The following PAAF1 variants were observed in gnomAD, a reference collection of about 807,000 sequenced individuals.
The protein encoded by PAAF1 is proteasomal ATPase associated factor 1, also known as proteasomal ATPase-associated factor 1.
Under a neutral mutation model 52.8 loss-of-function variants are expected in PAAF1, and 46 were observed. The ratio of observed to expected loss-of-function variants is 0.87; its 90% CI spans 0.69 to 1.11. The LOEUF (loss-of-function observed/expected upper bound fraction) is 1.11. Ranked by LOEUF, PAAF1 falls within the 50% of genes most tolerant of loss-of-function variation. The pLI, the probability that PAAF1 is intolerant of heterozygous loss-of-function variation, is 0.00. For missense variants in PAAF1, 424 were observed against 477.4 expected, an observed-to-expected ratio of 0.89 and a Z score of 1.04; for synonymous variants, 178 against 172.8, an observed-to-expected ratio of 1.03 and a Z score of -0.24.
At chr11:73,902,653 A>AT (rs372199415) in intron 6 of PAAF1, among the ~76,000 whole-genome samples, 2 of 140,908 alleles carry the variant, frequency 1.4e-5, no homozygotes, top group Admixed American at 1.4e-4. Flanking sequence ...AAGAATATGT[A>AT]TGGACCTTTA....
At chr11:73,901,038 G>GA (rs951212508) in intron 6 of PAAF1, among the ~76,000 whole-genome samples, 41 of 125,186 alleles carry the variant, frequency 3.3e-4, no homozygotes, top group South Asian at 8.1e-4. Context: ...ATTGATAAAG[G>GA]AAAAAAAAAA....
chr11:73,925,214 T>C (rs1950321891), intron 11 of PAAF1, among the ~76,000 whole-genome samples: 1 of 150,670 alleles, frequency 6.6e-6, no homozygotes, highest in African/African-American at 2.4e-5. Context: ...CCCAGCACTT[T>C]TGGAGGCTGA....
intron 7 of PAAF1, among the ~76,000 whole-genome samples, chr11:73,913,410 T>C (rs1207640542): frequency 6.6e-6 from 1 of 152,150 alleles, no homozygotes; most frequent in Non-Finnish European, 1.5e-5. Context: ...GCCTGGGCAA[T>C]ATAGTGAGAT....
At chr11:73,912,477 C>G (rs1434364002) in intron 7 of PAAF1, among the ~76,000 whole-genome samples, 1 of 152,152 alleles carries the variant, frequency 6.6e-6, no homozygotes, top group Non-Finnish European at 1.5e-5. Context: ...TCTATCATCT[C>G]TAACTTCAAA....
At chr11:73,886,951 C>A in intron 2 of PAAF1, 1 of 406,350 alleles carries the variant, frequency 2.5e-6, no homozygotes, top group Non-Finnish European at 4.8e-6. Context: ...AAGATCCTGG[C>A]ATCTCCCTTC....
intron 1 of PAAF1, 130 bp downstream of exon 1, chr11:73,877,198 CAG>C: frequency 2.1e-6 from 2 of 974,116 alleles, no homozygotes; most frequent in Non-Finnish European, 2.8e-6. Context: ...ATGGAGGGAA[CAG>C]GGTCCGGAAA....
At chr11:73,905,145 A>C (rs1949722653) in intron 6 of PAAF1, among the ~76,000 whole-genome samples, 1 of 152,218 alleles carries the variant, frequency 6.6e-6, no homozygotes, top group Admixed American at 6.5e-5. Flanking sequence ...ACAAAACAAA[A>C]ATAACAGTAA....
At chr11:73,921,609 GA>G in intron 10 of PAAF1, 1 of 655,422 alleles carries the variant, frequency 1.5e-6, no homozygotes, top group Non-Finnish European at 2.9e-6. Context: ...TATCTTGCTG[GA>G]AAATGCTGCC....
chr11:73,882,585 TTCAG>T (rs1948946186), intron 2 of PAAF1, among the ~76,000 whole-genome samples: 1 of 151,942 alleles, frequency 6.6e-6, no homozygotes, highest in South Asian at 2.1e-4. Flanking sequence ...TAGCTGGGAT[TTCAG>T]ACATGCGCCA....
chr11:73,879,754 TC>T, intron 2 of PAAF1: 1 of 151,446 alleles, frequency 6.6e-6, no homozygotes, highest in Admixed American at 6.6e-5. Context: ...GCGCATGTAG[TC>T]CCAGCTACTT....
At chr11:73,884,248 C>T (rs1484402373) in intron 2 of PAAF1, among the ~76,000 whole-genome samples, 1 of 152,072 alleles carries the variant, frequency 6.6e-6, no homozygotes, top group Non-Finnish European at 1.5e-5. Flanking sequence ...CCCTGTAATC[C>T]AAGCACTTTG....
chr11:73,898,001 C>T (rs932427889), intron 4 of PAAF1, among the ~76,000 whole-genome samples: 17 of 152,186 alleles, frequency 1.1e-4, no homozygotes, highest in Middle Eastern at 3.2e-3. Context: ...GCCAACACAG[C>T]GAATCCCCGT....
At chr11:73,885,439 GCTGA>G (rs1302951306) in intron 2 of PAAF1, among the ~76,000 whole-genome samples, 1 of 151,892 alleles carries the variant, frequency 6.6e-6, no homozygotes, top group Non-Finnish European at 1.5e-5. Flanking sequence ...ACCATGCCCG[GCTGA>G]CTTTCTTTTA....
At chr11:73,885,823 CAA>C (rs965493301) in intron 2 of PAAF1, among the ~76,000 whole-genome samples, 1 of 135,904 alleles carries the variant, frequency 7.4e-6, no homozygotes, top group African/African-American at 2.9e-5. Flanking sequence ...GCCTGGGCGA[CAA>C]GAGTGAAACT....
intron 2 of PAAF1, among the ~76,000 whole-genome samples, chr11:73,882,178 G>A (rs950633256): frequency 1.3e-5 from 2 of 150,586 alleles, no homozygotes; most frequent in Non-Finnish European, 3.0e-5. Flanking sequence ...ACTGTGCCCC[G>A]CAATTTTTTG....
intron 2 of PAAF1, among the ~76,000 whole-genome samples, chr11:73,882,162 T>G (rs1002786074): frequency 1.3e-5 from 2 of 152,006 alleles, no homozygotes; most frequent in Non-Finnish European, 2.9e-5. Flanking sequence ...ATTACAGGCG[T>G]GAGCCACTGT....
chr11:73,894,279 G>T (rs1949285267), intron 4 of PAAF1, among the ~76,000 whole-genome samples: 1 of 151,840 alleles, frequency 6.6e-6, no homozygotes, highest in African/African-American at 2.4e-5. Flanking sequence ...AAGGCAGGAG[G>T]ATCACTTGAG....
chr11:73,915,965 T>A (rs767608993), intron 8 of PAAF1, among the ~76,000 whole-genome samples: 1 of 152,206 alleles, frequency 6.6e-6, no homozygotes, highest in Non-Finnish European at 1.5e-5. Context: ...AAATCAGGTT[T>A]TTTTGTTTGT....
At chr11:73,895,954 T>G (rs1327701715) in intron 4 of PAAF1, among the ~76,000 whole-genome samples, 1 of 152,166 alleles carries the variant, frequency 6.6e-6, no homozygotes, top group African/African-American at 2.4e-5. Flanking sequence ...AAAAAAAAGT[T>G]AAAAAATTAG....
Sources: allele counts gnomAD v4.1 joint callset (sites outside exome capture counted in the v4.1 genomes callset), GRCh38; gene constraint gnomAD v4.1.1; transcripts MANE v1.5; gene names NCBI Gene and HGNC (gene_info 2026-07-23, HGNC 2026-07-21).